Variants in CERK observed in about 807,000 individuals in gnomAD.
CERK encodes the protein ceramide kinase, also known as acylsphingosine kinase.
A neutral mutation model predicts 63.4 loss-of-function variants in CERK; 39 were observed. That is an observed-to-expected ratio of 0.61 (90% CI 0.48 to 0.80). CERK has a LOEUF of 0.80. Among genes scored for constraint, CERK ranks in the 30% least tolerant of loss-of-function variants. CERK has a pLI of 0.00. For missense variants in CERK, 670 were observed against 714.1 expected, an observed-to-expected ratio of 0.94 and a Z score of 0.70; for synonymous variants, 302 against 280.0, an observed-to-expected ratio of 1.08 and a Z score of -0.78.
At chr22:46,721,440 TCC>T (rs2082892241) in intron 1 of CERK, among the ~76,000 whole-genome samples, 1 of 151,246 alleles carries the variant, frequency 6.6e-6, no homozygotes, top group African/African-American at 2.4e-5. Flanking sequence ...TAATACCCCC[TCC>T]CCCAAAAAGG....
At chr22:46,737,472 T>C (rs1000708452) in intron 1 of CERK, among the ~76,000 whole-genome samples, 1 of 152,118 alleles carries the variant, frequency 6.6e-6, no homozygotes, top group Non-Finnish European at 1.5e-5. Context: ...CGGAAACCAA[T>C]TCCCCCATCC....
Position 46,702,574 on chromosome 22 carries a change from C to A in CERK, c.716-864G>T, listed in dbSNP as rs573936247. 1.1e-3 allele frequency among the ~76,000 whole-genome samples: 175 copies of A among 152,296 alleles called. 1 individual carries two copies. The highest frequency in any genetic ancestry group is 4.1e-3 in the African/African-American group (172 of 41,558). ...CCAAAGTGCTGGGATTAGGCGTGAG[C>A]CACCACACCTGGCCCTCGTAAACTT... On this transcript the variant is annotated intron_variant, in intron 6 of 12. Transcript: ENST00000216264.
At chr22:46,737,892 C>T in intron 1 of CERK, 115 bp downstream of exon 1, 5 of 719,972 alleles carry the variant, frequency 6.9e-6, no homozygotes, top group Non-Finnish European at 9.1e-6. Context: ...CTCCCAGGGC[C>T]CCCGGCCTTA....
At chr22:46,708,938 G>C (rs1295224636) in intron 5 of CERK, among the ~76,000 whole-genome samples, 1 of 152,142 alleles carries the variant, frequency 6.6e-6, no homozygotes, top group Non-Finnish European at 1.5e-5. Context: ...CAAGGTGCCT[G>C]CCCATTCCCC....
rs1482295193 is a variant in CERK at position 46,714,061 on chromosome 22, A to C, written c.380-1768T>G. Among the ~76,000 whole-genome samples, 1 of 152,198 alleles carries C rather than the reference A, an allele frequency of 6.6e-6. No individual in the cohort carries two copies. Among genetic ancestry groups the C allele is most frequent in the Non-Finnish European group, 1.5e-5 (1 of 68,024 alleles). On this transcript the variant is annotated intron_variant, in intron 3 of 12. Coordinates refer to ENST00000216264, the MANE Select transcript of CERK (RefSeq NM_022766.6). The surrounding 1 kb of genome is among the most constrained non-coding windows in gnomAD (Gnocchi z 4.4). ...CGAGGTGGGCAGATCACTTGAGGTCAGGTGTTTGAAACCAGCCTGGGCAAC... is the reference window on the plus strand; with the variant it reads ...CGAGGTGGGCAGATCACTTGAGGTCCGGTGTTTGAAACCAGCCTGGGCAAC...
chr22:46,715,734 C>T (rs1406013238), intron 3 of CERK, among the ~76,000 whole-genome samples: 1 of 152,182 alleles, frequency 6.6e-6, no homozygotes, highest in Admixed American at 6.5e-5. Flanking sequence ...CTTGACTGCT[C>T]ACCTCACACT....
intron 8 of CERK, among the ~76,000 whole-genome samples, chr22:46,698,494 T>C (rs1338435762): frequency 1.3e-5 from 2 of 152,238 alleles, no homozygotes; most frequent in African/African-American, 4.8e-5. Context: ...AAAGGATACC[T>C]GTGCCTGAAG....
chr22:46,694,700 C>A (rs2082747503), intron 9 of CERK, among the ~76,000 whole-genome samples: 1 of 152,194 alleles, frequency 6.6e-6, no homozygotes, highest in Non-Finnish European at 1.5e-5. Flanking sequence ...TTAGAGTGGG[C>A]TCCTGCCTTG....
In CERK at chr22:46,691,796, C is replaced by G. The variant is rs374955608; in HGVS notation, c.1127-19G>C. The stretch of plus-strand genomic sequence containing the variant: ...ACGTCCTCTGAAGCACAAAGAACCA[C>G]GGAGATGTCACAGTTACAATGGCGC... On this transcript the variant is annotated intron_variant, in intron 10 of 12. Transcript: ENST00000216264. 3.8e-6 allele frequency: 6 copies of G among 1,595,788 alleles called. No individual in the cohort carries two copies. In the South Asian group the frequency reaches 5.5e-5, roughly 15 times the overall value.
At chr22:46,722,806 G>A (rs543683773) in intron 1 of CERK, among the ~76,000 whole-genome samples, 109 of 152,298 alleles carry the variant, frequency 7.2e-4, no homozygotes, top group Non-Finnish European at 1.4e-3. Flanking sequence ...GCCAGCACAA[G>A]ACCAGGCAGT....
intron 6 of CERK, among the ~76,000 whole-genome samples, chr22:46,704,044 A>G (rs566997223): frequency 6.6e-6 from 1 of 152,312 alleles, no homozygotes; most frequent in Non-Finnish European, 1.5e-5. Flanking sequence ...CCCCAGTGGC[A>G]TTTGCTACAA....
Position 46,685,919 on chromosome 22 carries a change from A to G in CERK, c.*1215T>C, listed in dbSNP as rs2082698095. The G allele has an allele frequency of 6.6e-6, 1 of 152,230 alleles. No homozygotes were observed. The highest frequency in any genetic ancestry group is 2.4e-5 in the African/African-American group (1 of 41,456). 9.4% of individuals were successfully genotyped at this position (152,230 alleles called of 1,614,324 possible). A position where few individuals can be genotyped will look rare whatever the true frequency, so the allele number is the denominator to read the frequency against. ...GCCACGGCCCCGCTCCTTACAGATC[A>G]AAGTTTAAGCCGCATATTCTCATAT... On this transcript the variant is annotated 3_prime_UTR_variant, in exon 13 of 13. Transcript: ENST00000216264.
intron 8 of CERK, among the ~76,000 whole-genome samples, chr22:46,696,490 C>T (rs976472568): frequency 6.6e-6 from 1 of 152,232 alleles, no homozygotes; most frequent in African/African-American, 2.4e-5. Flanking sequence ...CCTCATCACC[C>T]AGACGCAGCC....
At chr22:46,691,813 C>A (rs2082733195) in intron 10 of CERK, 36 bp from the exon 11 acceptor site, 1 of 1,577,596 alleles carries the variant, frequency 6.3e-7, no homozygotes, top group Non-Finnish European at 8.7e-7. Flanking sequence ...GTCACAGTTA[C>A]AATGGCGCCG....
At position 46,689,344 on chromosome 22, in the gene CERK, TG is replaced by T. The variant is rs111281372; in HGVS notation, c.1541+647del. On this transcript the variant is annotated intron_variant, in intron 12 of 12. Transcript: ENST00000216264. ...CTGGTGGATTCAGTGGACAAAGGAC[TG>T]CCTGTAAAGGCGGTTTCCTTTGTTT... Among the ~76,000 whole-genome samples, 135 of 152,372 alleles carry T rather than the reference TG, an allele frequency of 8.9e-4. 1 individual carries two copies. The highest frequency in any genetic ancestry group is 3.1e-3 in the African/African-American group (127 of 41,598).
chr22:46,690,179 C>T lies in CERK; in HGVS notation c.1354G>A (p.Val452Ile). Residue 452 changes from valine to isoleucine, a missense_variant, in exon 12 of 13, where the codon GTT (valine) becomes ATT (isoleucine). Coordinates refer to ENST00000216264, the MANE Select transcript of CERK (RefSeq NM_022766.6). ...QDQFDFTFVE[V>I]YRVKKFQFTS... ...AACTGGAATTTCTTGACGCGATAAA[C>T]TTCAACAAAAGTGAAGTCAAACTAC... 6.2e-7 allele frequency: 1 copy of T among 1,613,974 alleles called. No individual in the cohort carries two copies. The highest frequency in any genetic ancestry group is 8.5e-7 in the Non-Finnish European group (1 of 1,180,002).
chr22:46,713,944 C>T (rs577030606), intron 3 of CERK, among the ~76,000 whole-genome samples: 8 of 152,090 alleles, frequency 5.3e-5, no homozygotes, highest in African/African-American at 1.7e-4. Context: ...CCAGCCAGGG[C>T]GATATAGTGA....
intron 3 of CERK, among the ~76,000 whole-genome samples, chr22:46,719,174 C>CG (rs2082880288): frequency 6.6e-6 from 1 of 150,520 alleles, no homozygotes; most frequent in Non-Finnish European, 1.5e-5. Context: ...GTGTGTGTGT[C>CG]TACCATATGT....
At chr22:46,726,824 A>G (rs2082920820) in intron 1 of CERK, among the ~76,000 whole-genome samples, 1 of 150,392 alleles carries the variant, frequency 6.6e-6, no homozygotes, top group Admixed American at 6.6e-5. Context: ...GGTCTGATAC[A>G]CAGATGGAAG....
Sources: allele counts gnomAD v4.1 joint callset (sites outside exome capture counted in the v4.1 genomes callset), GRCh38; gene constraint gnomAD v4.1.1; non-coding constraint Gnocchi (gnomAD v3.1); transcripts MANE v1.5; gene names NCBI Gene and HGNC (gene_info 2026-07-23, HGNC 2026-07-21).